Variants in INTS6 observed in about 807,000 individuals in gnomAD.
INTS6 encodes integrator complex subunit 6.
In INTS6, 16 loss-of-function variants were observed where a neutral mutation model predicts 104.9. The ratio of observed to expected loss-of-function variants is 0.15; its 90% confidence interval spans 0.10 to 0.23. INTS6 has a LOEUF of 0.23. INTS6 is among the 10% of genes least tolerant of loss of function. INTS6 has a pLI of 1.00. For missense variants in INTS6, 584 were observed against 1,062.8 expected (o/e 0.55, Z 6.26); for synonymous variants, 324 against 358.7 (o/e 0.90, Z 1.09).
At chr13:51,366,632 G>A (rs1331679856) in intron 17 of INTS6, among the ~76,000 whole-genome samples, 1 of 151,892 alleles carries the variant, frequency 6.6e-6, no homozygotes, top group African/African-American at 2.4e-5. Context: ...TTCCTAATGA[G>A]GTTTTAGCTG....
At chr13:51,436,033 T>C (rs1344889971) in intron 3 of INTS6, among the ~76,000 whole-genome samples, 1 of 152,082 alleles carries the variant, frequency 6.6e-6, no homozygotes, top group Non-Finnish European at 1.5e-5. Context: ...AAATCTCAGG[T>C]AGTGTAGTAT....
At chr13:51,352,393 C>T (rs556640058), downstream of INTS6, among the ~76,000 whole-genome samples, 19 of 151,372 alleles carry the variant, frequency 1.3e-4, no homozygotes, top group East Asian at 5.8e-4. Context: ...TGTTCTATAG[C>T]GTATACAAAC....
intron 4 of INTS6, among the ~76,000 whole-genome samples, chr13:51,399,829 T>C (rs545298908): frequency 6.6e-6 from 1 of 152,312 alleles, no homozygotes; most frequent in South Asian, 2.1e-4. Flanking sequence ...TGCTCTTTTG[T>C]GAAGTGACTA....
chr13:51,449,859 T>G (rs1434712415), intron 3 of INTS6: 11 of 985,238 alleles, frequency 1.1e-5, no homozygotes, highest in Non-Finnish European at 1.2e-5. Flanking sequence ...GGTAAGAAAG[T>G]ACATATTTAC....
At chr13:51,355,738 T>C (rs1027984563) in intron 3 of INTS6, among the ~76,000 whole-genome samples, 1 of 152,210 alleles carries the variant, frequency 6.6e-6, no homozygotes, top group Non-Finnish European at 1.5e-5. Flanking sequence ...TATGGTATTA[T>C]AGGAAATTTA....
chr13:51,403,717 C>T (rs982476560), intron 4 of INTS6, among the ~76,000 whole-genome samples: 6 of 151,756 alleles, frequency 4.0e-5, no homozygotes, highest in African/African-American at 1.5e-4. Flanking sequence ...ATGCTTCCCA[C>T]TTAAGTTTTA....
At chr13:51,439,305 A>G (rs1215808375) in intron 3 of INTS6, 1 of 152,218 alleles carries the variant, frequency 6.6e-6, no homozygotes, top group Non-Finnish European at 1.5e-5. Flanking sequence ...AAAACAGGCA[A>G]TAAAAAACAG....
chr13:51,383,563 G>T, intron 8 of INTS6, 26 bp downstream of exon 8: 1 of 1,605,590 alleles, frequency 6.2e-7, no homozygotes, highest in Non-Finnish European at 8.5e-7. Flanking sequence ...TTAAATTTTG[G>T]GGTCACTGTA....
rs761268751 is a variant in INTS6, at chr13:51,430,391, C to A, written c.340-8G>T. ...GAAAAAAGGGTTTCTTCCCTAAAGT[C>A]AAAAAACACATTGATCATACAAAGA... On this transcript the variant is annotated splice_polypyrimidine_tract_variant and splice_region_variant and intron_variant, in intron 3 of 17. Transcript: ENST00000311234. 4 of 1,595,622 alleles carry A rather than the reference C, an allele frequency of 2.5e-6. No individual in the cohort carries two copies. The South Asian group carries it at 4.5e-5, about 18-fold the overall frequency.
chr13:51,440,412 CTAAGGT>C (rs1215482248), intron 3 of INTS6: 1 of 151,850 alleles, frequency 6.6e-6, no homozygotes, highest in Non-Finnish European at 1.5e-5. Flanking sequence ...TTACAGTAAG[CTAAGGT>C]TAATTTATTA....
In INTS6 at chr13:51,389,308, T is replaced by C; in HGVS notation, c.739+11A>G. On this transcript the variant is annotated intron_variant, in intron 6 of 17. Transcript: ENST00000311234. ...AAGTTTTGAATGTCTAAAAGAAAAG[T>C]GCAATAATACCTTCTACAGGGGAAG... The C allele has an allele frequency of 1.2e-6, 2 of 1,604,496 alleles. No homozygotes were observed. The highest frequency in any genetic ancestry group is 3.5e-5 in the Admixed American group (2 of 57,414).
the INTS6 span, chr13:51,348,678 G>A: frequency 4.2e-6 from 1 of 236,444 alleles, no homozygotes; most frequent in Middle Eastern, 4.2e-4. Context: ...TCACTGGGCT[G>A]GAATGGAGCC....
Position 51,369,651 on chromosome 13 carries a change from G to A in INTS6, c.2105-341C>T, listed in dbSNP as rs548128684. 2.9e-3 allele frequency among the ~76,000 whole-genome samples: 440 copies of A among 152,138 alleles called. 3 individuals are homozygous for A. The highest frequency in any genetic ancestry group is 5.1e-3 in the Non-Finnish European group (348 of 67,992). On this transcript the variant is annotated intron_variant, in intron 15 of 17. Transcript: ENST00000311234. ...AAATATCTATGATCAAAATTATCAC[G>A]GTCATCTATCTCTACCTTAGAGAGC...
Position 51,451,952 on chromosome 13 carries a change from G to A in INTS6, c.189+26C>T, listed in dbSNP as rs1367070072. 141 of 1,570,968 alleles carry A rather than the reference G, an allele frequency of 9.0e-5. 1 individual carries two copies. Among genetic ancestry groups the A allele is most frequent in the Middle Eastern group, 1.7e-4 (1 of 5,774 alleles). On this transcript the variant is annotated intron_variant, in intron 2 of 17. Transcript: ENST00000311234. ...GGAAGGAACAGGGAAGGGAAGGGAG[G>A]AAAGGGGGAGGGCGAGGGCTGTTAC...
intron 4 of INTS6, among the ~76,000 whole-genome samples, chr13:51,404,502 C>T (rs1956520359): frequency 6.6e-6 from 1 of 152,028 alleles, no homozygotes; most frequent in Admixed American, 6.6e-5. Flanking sequence ...AGCTGCAAAG[C>T]CTACCTGACA....
At chr13:51,365,919 AAGG>A (rs2137848466) in intron 17 of INTS6, 74 bp from the exon 18 acceptor site, 1 of 806,526 alleles carries the variant, frequency 1.2e-6, no homozygotes, top group Non-Finnish European at 1.9e-6. Context: ...TTTTTTAAGA[AAGG>A]AGAGAAAATT....
intron 6 of INTS6, among the ~76,000 whole-genome samples, chr13:51,388,482 C>G (rs980652599): frequency 2.6e-5 from 4 of 152,084 alleles, no homozygotes; most frequent in Non-Finnish European, 4.4e-5. Context: ...CAACCTCCAC[C>G]TCCCGGGTTC....
At chr13:51,408,007 A>C (rs1239991046) in intron 4 of INTS6, among the ~76,000 whole-genome samples, 3 of 148,110 alleles carry the variant, frequency 2.0e-5, no homozygotes, top group African/African-American at 2.5e-5. Context: ...ACAGAGTGAG[A>C]CTCGGTCTCA....
intron 7 of INTS6, 102 bp from the exon 8 acceptor site, chr13:51,383,843 T>C: frequency 3.0e-6 from 3 of 988,956 alleles, no homozygotes; most frequent in Non-Finnish European, 4.4e-6. Flanking sequence ...GTCTTGCTAG[T>C]AAGAGTTTGA....
Sources: gnomAD v4.1 joint callset for allele counts (sites outside exome capture counted in the v4.1 genomes callset) on GRCh38, gnomAD v4.1.1 for gene constraint, MANE v1.5 for transcripts, NCBI Gene and HGNC (gene_info 2026-07-23, HGNC 2026-07-21) for gene names.